The following CNRIP1 variants were observed in gnomAD, a reference collection of about 807,000 sequenced individuals.
The protein encoded by CNRIP1 is cannabinoid receptor interacting protein 1.
CNRIP1 carries 10 observed loss-of-function variants against 15.2 expected under a neutral mutation model. That is an observed-to-expected ratio of 0.66 (90% CI 0.41 to 1.12). CNRIP1 has a LOEUF of 1.12. Among genes scored for constraint, CNRIP1 ranks in the 50% most tolerant of loss-of-function variants. The probability of loss-of-function intolerance (pLI) is 0.00; values close to 1 mark genes in which losing one functional copy is unlikely to be tolerated. For missense variants in CNRIP1, 211 were observed against 214.7 expected, an observed-to-expected ratio of 0.98 and a Z score of 0.11; for synonymous variants, 91 against 83.2, an observed-to-expected ratio of 1.09 and a Z score of -0.51.
At chr2:68,284,391 A>C in exon 3 of CNRIP1, 1 of 1,345,724 alleles carries the variant, frequency 7.4e-7, no homozygotes, top group Admixed American at 3.1e-5. Context: ...AAAAAAGAAC[A>C]TTTGTTCCTC....
intron 2 of CNRIP1, among the ~76,000 whole-genome samples, chr2:68,300,070 A>C (rs1170780666): frequency 6.6e-6 from 1 of 152,218 alleles, no homozygotes; most frequent in Non-Finnish European, 1.5e-5. Context: ...AAGCCTTTCT[A>C]TTCCTGAATT....
At chr2:68,287,807 T>C (rs898422343) in intron 2 of CNRIP1, among the ~76,000 whole-genome samples, 5 of 152,236 alleles carry the variant, frequency 3.3e-5, no homozygotes, top group African/African-American at 1.2e-4. Context: ...TGGAAACATT[T>C]GGTAAGCAGC....
chr2:68,302,433 A>T (rs932469114), intron 2 of CNRIP1, among the ~76,000 whole-genome samples: 1 of 152,190 alleles, frequency 6.6e-6, no homozygotes, highest in Non-Finnish European at 1.5e-5. Flanking sequence ...CAGACTCTCT[A>T]TCTGGCCTTT....
At chr2:68,296,473 A>G (rs1289181496) in intron 2 of CNRIP1, among the ~76,000 whole-genome samples, 1 of 152,002 alleles carries the variant, frequency 6.6e-6, no homozygotes, top group East Asian at 1.9e-4. Flanking sequence ...CAGGAGTTTG[A>G]GGCTGCAGTG....
intron 2 of CNRIP1, among the ~76,000 whole-genome samples, chr2:68,310,080 C>A (rs1242866170): frequency 6.6e-6 from 1 of 152,178 alleles, no homozygotes; most frequent in African/African-American, 2.4e-5. Flanking sequence ...GTAATCCCAG[C>A]ACTTTGGGAG....
intron 2 of CNRIP1, among the ~76,000 whole-genome samples, chr2:68,295,333 G>C (rs1451997828): frequency 6.6e-6 from 1 of 152,094 alleles, no homozygotes. Context: ...CAAGATCTAG[G>C]CTTTCCTCTG....
intron 2 of CNRIP1, among the ~76,000 whole-genome samples, chr2:68,295,172 C>T (rs1054888631): frequency 1.1e-4 from 17 of 152,168 alleles, no homozygotes; most frequent in Admixed American, 4.6e-4. Context: ...AGCCAGAAGA[C>T]GTGGACAGAG....
At position 68,319,279 on chromosome 2, in the gene CNRIP1, A is replaced by G; in HGVS notation, c.122T>C (p.Leu41Pro). The part of the protein sequence containing the change: ...RFGQNRTIKL[L>P]TGSSYKVEVK... ...CTCAACCTTGTAGGAGGAGCCGGTG[A>G]GCAGCTTGATGGTGCGGTTCTGGCC... Residue 41 changes from leucine (L) to proline (P), a missense_variant, in exon 1 of 3, where the codon CTC (leucine) becomes CCC (proline). Coordinates refer to ENST00000263655, the MANE Select transcript of CNRIP1 (RefSeq NM_015463.3). 1 of 1,551,358 alleles carries G rather than the reference A, an allele frequency of 6.4e-7. No homozygotes were observed.
downstream of CNRIP1, among the ~76,000 whole-genome samples, chr2:68,288,075 A>AGCCAGCCG (rs1309471474): frequency 1.3e-5 from 2 of 151,366 alleles, no homozygotes; most frequent in Non-Finnish European, 1.5e-5. Context: ...CCGGCCAGCC[A>AGCCAGCCG]GCCAGCCAGC....
rs34128476 is a variant in CNRIP1, at chr2:68,317,213, C to G, written c.274G>C (p.Glu92Gln). The G allele has an allele frequency of 3.0e-4, 482 of 1,614,238 alleles. 1 individual carries two copies. In the African/African-American group the frequency reaches 5.8e-3, roughly 19 times the overall value. Residue 92 changes from glutamate (E) to glutamine (Q), a missense_variant, in exon 2 of 3, where the codon GAA (glutamate) becomes CAA (glutamine). Transcript: ENST00000263655. Reference sequence around the variant, plus strand: ...CCACTCTTCGTTGGGGTCACACCTTCTGTGTCATATGTACCCGTATAAACA... The same window carrying G: ...CCACTCTTCGTTGGGGTCACACCTTGTGTGTCATATGTACCCGTATAAACA... Reference protein sequence around the residue: ...RVVYTGTYDTEGVTPTKSGER... With the variant: ...RVVYTGTYDTQGVTPTKSGER...
At chr2:68,291,963 T>A (rs1389180324), downstream of CNRIP1, among the ~76,000 whole-genome samples, 1 of 151,596 alleles carries the variant, frequency 6.6e-6, no homozygotes, top group East Asian at 1.9e-4. Flanking sequence ...CAAGCTCTAG[T>A]CCCTGGCTTG....
intron 2 of CNRIP1, among the ~76,000 whole-genome samples, chr2:68,296,070 C>T (rs972101301): frequency 6.6e-6 from 1 of 152,132 alleles, no homozygotes; most frequent in Non-Finnish European, 1.5e-5. Context: ...ATCTTAAGAA[C>T]ATCACAAAGT....
chr2:68,309,443 T>G (rs1348574626), intron 2 of CNRIP1, among the ~76,000 whole-genome samples: 1 of 152,262 alleles, frequency 6.6e-6, no homozygotes, highest in Non-Finnish European at 1.5e-5. Flanking sequence ...TTAAGTTCTA[T>G]GGTATGTAAA....
At chr2:68,317,061 A>AC (rs1268204817) in intron 2 of CNRIP1, 96 bp downstream of exon 2, 1 of 1,483,686 alleles carries the variant, frequency 6.7e-7, no homozygotes, top group East Asian at 2.3e-5. Context: ...TTGGCTCCCA[A>AC]CACACCTTTT....
At position 68,317,324 on chromosome 2, in the gene CNRIP1, T is replaced by C. The variant is rs1260992448; in HGVS notation, c.180-17A>G. The C allele has an allele frequency of 6.2e-7, 1 of 1,612,850 alleles. No homozygotes were observed. Among genetic ancestry groups the C allele is most frequent in the South Asian group, 1.1e-5 (1 of 91,078 alleles). ...GAAATATTCCTGCAATAGACTTGAG[T>C]TGACCACATACGGTTGAAATTAGCC... On this transcript the variant is annotated splice_polypyrimidine_tract_variant and intron_variant, in intron 1 of 2. Transcript: ENST00000263655.
chr2:68,315,511 A>T (rs1672238810), intron 2 of CNRIP1, among the ~76,000 whole-genome samples: 1 of 152,204 alleles, frequency 6.6e-6, no homozygotes, highest in Admixed American at 6.5e-5. Flanking sequence ...TATAATACCG[A>T]AAACCAGAAA....
intron 2 of CNRIP1, among the ~76,000 whole-genome samples, chr2:68,302,189 ATC>A (rs1432293387): frequency 6.6e-6 from 1 of 152,174 alleles, no homozygotes; most frequent in Non-Finnish European, 1.5e-5. Flanking sequence ...TCTTATGATT[ATC>A]TCTTACACAT....
At chr2:68,290,723 G>A (rs375677121), downstream of CNRIP1, among the ~76,000 whole-genome samples, 4 of 152,194 alleles carry the variant, frequency 2.6e-5, no homozygotes, top group African/African-American at 7.2e-5. Context: ...AGCCTTTAGT[G>A]AATGGACTTG....
At chr2:68,299,450 G>T (rs554908169) in intron 2 of CNRIP1, among the ~76,000 whole-genome samples, 1 of 152,098 alleles carries the variant, frequency 6.6e-6, no homozygotes, top group African/African-American at 2.4e-5. Context: ...GCCCTCATAA[G>T]GTACATGAGA....
Sources: gnomAD v4.1 joint callset for allele counts (sites outside exome capture counted in the v4.1 genomes callset) on GRCh38, gnomAD v4.1.1 for gene constraint, MANE v1.5 for transcripts, NCBI Gene and HGNC (gene_info 2026-07-23, HGNC 2026-07-21) for gene names.